Variants in AXDND1 observed in about 807,000 individuals in gnomAD.
AXDND1 encodes the protein axonemal dynein light chain domain containing 1, also known as axonemal dynein light chain domain-containing protein 1.
In AXDND1, 110 loss-of-function variants were observed where a neutral mutation model predicts 137.5. The observed-to-expected ratio is 0.80, with a 90% CI of 0.69 to 0.94. The LOEUF is 0.94. Ranked by LOEUF, AXDND1 falls within the 40% of genes least tolerant of loss-of-function variation. The probability of loss-of-function intolerance (pLI) is 0.00; values close to 1 mark genes in which losing one functional copy is unlikely to be tolerated. For synonymous variants in AXDND1, 414 were observed against 399.7 expected (o/e 1.04, Z -0.43); for missense variants, 1,191 against 1,169.8 (o/e 1.02, Z -0.26).
At chr1:179,414,715 G>A (rs953987300) in intron 12 of AXDND1, among the ~76,000 whole-genome samples, 8 of 152,092 alleles carry the variant, frequency 5.3e-5, no homozygotes, top group South Asian at 4.1e-4. Context: ...GTGAGCCACC[G>A]CGCCCGGCCA....
At chr1:179,464,155 T>A (rs1214190679) in intron 16 of AXDND1, among the ~76,000 whole-genome samples, 1 of 152,200 alleles carries the variant, frequency 6.6e-6, no homozygotes, top group Non-Finnish European at 1.5e-5. Context: ...GATCCTGTCA[T>A]TATGCTGTTA....
chr1:179,536,636 C>A (rs568594586), intron 25 of AXDND1, among the ~76,000 whole-genome samples: 3 of 152,250 alleles, frequency 2.0e-5, no homozygotes, highest in Admixed American at 6.5e-5. Flanking sequence ...AGTTTGAAGT[C>A]AGGTAGCGTG....
At chr1:179,385,198 A>G (rs1182462831) in intron 8 of AXDND1, 40 bp from the exon 9 acceptor site, 4 of 1,567,806 alleles carry the variant, frequency 2.6e-6, no homozygotes, top group Admixed American at 1.8e-5. Context: ...TTTTACTAAG[A>G]CTGTAATAAG....
chr1:179,406,834 G>A (rs1221424730), intron 11 of AXDND1, among the ~76,000 whole-genome samples: 2 of 152,042 alleles, frequency 1.3e-5, no homozygotes, highest in Admixed American at 1.3e-4. Context: ...TTACATGGGG[G>A]AATTTAATTC....
chr1:179,519,030 C>G (rs1669809789), intron 21 of AXDND1, among the ~76,000 whole-genome samples: 1 of 152,218 alleles, frequency 6.6e-6, no homozygotes, highest in Non-Finnish European at 1.5e-5. Flanking sequence ...GATCCTTTCT[C>G]TCCACAACCT....
chr1:179,391,966 C>T (rs1016643638), intron 9 of AXDND1, among the ~76,000 whole-genome samples: 1 of 152,132 alleles, frequency 6.6e-6, no homozygotes, highest in Admixed American at 6.5e-5. Flanking sequence ...CTGAGGCCTC[C>T]CCAGCTCTGT....
At chr1:179,379,270 T>C in intron 5 of AXDND1, 127 bp from the exon 6 acceptor site, 1 of 972,638 alleles carries the variant, frequency 1.0e-6, no homozygotes, top group Non-Finnish European at 1.5e-6. Flanking sequence ...ATATTGTTAT[T>C]TCTCCAATCA....
chr1:179,465,773 A>C (rs1663063010), intron 16 of AXDND1, among the ~76,000 whole-genome samples: 1 of 152,176 alleles, frequency 6.6e-6, no homozygotes, highest in Admixed American at 6.5e-5. Context: ...GCTCCACCCA[A>C]TTCGACCTTC....
chr1:179,372,473 G>A (rs1668130154), intron 4 of AXDND1, among the ~76,000 whole-genome samples: 1 of 152,160 alleles, frequency 6.6e-6, no homozygotes, highest in Non-Finnish European at 1.5e-5. Flanking sequence ...CTTGAATTAT[G>A]AACTCAGTTA....
At chr1:179,420,165 T>C (rs1420619919) in intron 12 of AXDND1, among the ~76,000 whole-genome samples, 1 of 152,264 alleles carries the variant, frequency 6.6e-6, no homozygotes, top group East Asian at 1.9e-4. Flanking sequence ...ATGTTGAATG[T>C]TATCAAGTGC....
intron 8 of AXDND1, 101 bp downstream of exon 8, chr1:179,383,645 C>A: frequency 2.5e-6 from 2 of 809,838 alleles, no homozygotes; most frequent in Admixed American, 2.4e-5. Context: ...TTACTAATGG[C>A]CTTGGACAAG....
chr1:179,424,179 C>T (rs1277357536), intron 12 of AXDND1, among the ~76,000 whole-genome samples: 2 of 151,980 alleles, frequency 1.3e-5, no homozygotes, highest in East Asian at 3.9e-4. Flanking sequence ...TTGAAAATGT[C>T]ATTTCTCTCC....
chr1:179,406,558 A>G (rs748770168), intron 11 of AXDND1, among the ~76,000 whole-genome samples: 10 of 152,064 alleles, frequency 6.6e-5, no homozygotes, highest in Admixed American at 1.3e-4. Flanking sequence ...ATATATATTT[A>G]GAGTTGTTAT....
At chr1:179,521,314 C>T (rs1470409743) in intron 21 of AXDND1, among the ~76,000 whole-genome samples, 1 of 152,160 alleles carries the variant, frequency 6.6e-6, no homozygotes, top group Non-Finnish European at 1.5e-5. Flanking sequence ...CTCTCCTCCT[C>T]CTGCTGCTCT....
chr1:179,518,595 T>C (rs886145432), intron 21 of AXDND1, among the ~76,000 whole-genome samples: 3 of 152,172 alleles, frequency 2.0e-5, no homozygotes, highest in African/African-American at 7.2e-5. Flanking sequence ...TGTGTGTCCA[T>C]GTGGTCTCAT....
chr1:179,527,246 G>A (rs768503348), intron 22 of AXDND1, among the ~76,000 whole-genome samples: 17 of 152,156 alleles, frequency 1.1e-4, no homozygotes, highest in Admixed American at 3.3e-4. Context: ...CTGTCATGGC[G>A]CTGATGGGAG....
Position 179,378,725 on chromosome 1 carries a change from C to T in AXDND1, c.463C>T (p.Gln155Ter). ...TCCCCCACATTTGGCCCGTTCATTA[C>T]AGTCACATGATGGTGTCATTGTGCC... ...VCPPHLARSL[Q>*]SHDGVIVPHK... Residue 155 changes from glutamine (Q) to a stop codon, truncating the protein, a stop_gained, in exon 5 of 26, where the codon CAG (glutamine) becomes TAG (stop). Coordinates refer to ENST00000367618, the MANE Select transcript of AXDND1 (RefSeq NM_144696.6). LOFTEE classifies it high-confidence loss of function. 1.9e-6 allele frequency: 3 copies of T among 1,587,444 alleles called. No individual in the cohort carries two copies. The highest frequency in any genetic ancestry group is 1.3e-5 in the African/African-American group (1 of 74,720).
chr1:179,444,407 T>C (rs10913765), intron 15 of AXDND1, among the ~76,000 whole-genome samples: 98,401 of 151,894 alleles, frequency 0.65, 32,194 homozygotes, highest in Middle Eastern at 0.7. Flanking sequence ...TGTCTCCCCA[T>C]GCTAATTACT....
intron 20 of AXDND1, among the ~76,000 whole-genome samples, chr1:179,507,704 C>T (rs1043663875): frequency 1.3e-5 from 2 of 152,094 alleles, no homozygotes; most frequent in Non-Finnish European, 2.9e-5. Context: ...CCCCAACTCC[C>T]TCAGAAATGG....
Sources: allele counts gnomAD v4.1 joint callset (sites outside exome capture counted in the v4.1 genomes callset), GRCh38; gene constraint gnomAD v4.1.1; transcripts MANE v1.5; gene names NCBI Gene and HGNC (gene_info 2026-07-23, HGNC 2026-07-21).